Variants in SIK3 observed in about 807,000 individuals in gnomAD.
The protein encoded by SIK3 is SIK family kinase 3, also known as serine/threonine-protein kinase SIK3.
SIK3 carries 28 observed loss-of-function variants against 144.2 expected under a neutral mutation model. That is an observed-to-expected ratio of 0.19 (90% confidence interval 0.14 to 0.27). SIK3 has a LOEUF of 0.27. Ranked by LOEUF, SIK3 falls within the 10% of genes least tolerant of loss-of-function variation. The pLI, the probability that SIK3 is intolerant of heterozygous loss-of-function variation, is 1.00. For synonymous variants in SIK3, 686 were observed against 676.3 expected (o/e 1.01, Z -0.22); for missense variants, 1,319 against 1,776.0 (o/e 0.74, Z 4.62).
intron 1 of SIK3, among the ~76,000 whole-genome samples, chr11:116,991,663 G>T (rs1181838203): frequency 6.6e-6 from 1 of 152,140 alleles, no homozygotes; most frequent in African/African-American, 2.4e-5. Flanking sequence ...TTACTTAAAT[G>T]ATAAAGTAAG....
intron 1 of SIK3, among the ~76,000 whole-genome samples, chr11:117,096,061 C>CA (rs1250549470): frequency 2.0e-5 from 3 of 152,212 alleles, no homozygotes; most frequent in African/African-American, 7.2e-5. Flanking sequence ...ATGAAAAACA[C>CA]ACGCACGCAC....
chr11:116,998,372 G>A (rs1031638571), intron 1 of SIK3, among the ~76,000 whole-genome samples: 3 of 151,730 alleles, frequency 2.0e-5, no homozygotes, highest in Non-Finnish European at 4.4e-5. Context: ...TCAGGAGGCT[G>A]AGGCAGGAGA....
chr11:116,988,611 T>C (rs751113037), intron 1 of SIK3, among the ~76,000 whole-genome samples: 1 of 151,678 alleles, frequency 6.6e-6, no homozygotes, highest in Non-Finnish European at 1.5e-5. Flanking sequence ...CAAGACCCCA[T>C]CTCTACAATA....
At chr11:117,044,279 T>C (rs945201798) in intron 1 of SIK3, among the ~76,000 whole-genome samples, 8 of 152,196 alleles carry the variant, frequency 5.3e-5, no homozygotes, top group African/African-American at 1.7e-4. Context: ...AAGAAAACTA[T>C]GCTTCTAAAA....
At chr11:116,899,678 G>T (rs1442490409) in intron 4 of SIK3, among the ~76,000 whole-genome samples, 1 of 152,146 alleles carries the variant, frequency 6.6e-6, no homozygotes, top group African/African-American at 2.4e-5. Flanking sequence ...AGGTAGCAGG[G>T]ATGAGTCTTC....
intron 1 of SIK3, among the ~76,000 whole-genome samples, chr11:117,010,848 G>A (rs376967011): frequency 2.6e-5 from 4 of 152,152 alleles, no homozygotes; most frequent in South Asian, 4.1e-4. Flanking sequence ...GGCCAGGCAC[G>A]GTGGCTCATA....
At chr11:117,038,356 A>G (rs975026445) in intron 1 of SIK3, among the ~76,000 whole-genome samples, 1 of 142,076 alleles carries the variant, frequency 7.0e-6, no homozygotes, top group Non-Finnish European at 1.5e-5. Context: ...CTGCTACAAG[A>G]TACTTTTTTT....
chr11:117,029,928 G>A (rs1952181714), intron 1 of SIK3, among the ~76,000 whole-genome samples: 1 of 151,852 alleles, frequency 6.6e-6, no homozygotes, highest in African/African-American at 2.4e-5. Flanking sequence ...TTGAAGGCAA[G>A]GGGCTGGTTC....
chr11:116,894,379 A>G (rs1227995580), intron 6 of SIK3, among the ~76,000 whole-genome samples: 23 of 152,206 alleles, frequency 1.5e-4, no homozygotes, highest in Non-Finnish European at 3.2e-4. Context: ...CTGCCAATTC[A>G]TATCTTAACT....
intron 6 of SIK3, among the ~76,000 whole-genome samples, chr11:116,883,590 A>G (rs1024430178): frequency 1.3e-5 from 2 of 152,190 alleles, no homozygotes; most frequent in Non-Finnish European, 1.5e-5. Flanking sequence ...CTATTTATTT[A>G]ACATAGTCAC....
At chr11:117,004,366 A>G (rs1315245381) in intron 1 of SIK3, among the ~76,000 whole-genome samples, 2 of 152,040 alleles carry the variant, frequency 1.3e-5, no homozygotes, top group East Asian at 3.9e-4. Flanking sequence ...AATACAAAAA[A>G]TTAGCCAGGC....
At chr11:116,990,301 T>TA (rs752808048) in intron 1 of SIK3, among the ~76,000 whole-genome samples, 4 of 152,172 alleles carry the variant, frequency 2.6e-5, no homozygotes, top group Non-Finnish European at 5.9e-5. Context: ...CAAGAGTGTC[T>TA]AGACCTGAGG....
At chr11:116,897,456 GC>G in intron 4 of SIK3, 139 bp from the exon 5 acceptor site, 1 of 714,026 alleles carries the variant, frequency 1.4e-6, no homozygotes, top group Non-Finnish European at 2.3e-6. Flanking sequence ...AAACCACATA[GC>G]CAGACACTTA....
chr11:116,854,531 A>G (rs1022783299), intron 21 of SIK3, among the ~76,000 whole-genome samples: 18 of 152,200 alleles, frequency 1.2e-4, no homozygotes, highest in African/African-American at 4.1e-4. Context: ...GTAGAGTAGA[A>G]GCTCCCTGAG....
intron 1 of SIK3, among the ~76,000 whole-genome samples, chr11:116,960,574 A>G (rs1425485186): frequency 1.3e-5 from 2 of 152,222 alleles, no homozygotes; most frequent in Admixed American, 6.5e-5. Flanking sequence ...TTTATTTAGC[A>G]GTTGAATATA....
chr11:116,888,452 T>C (rs1944941079), intron 6 of SIK3, among the ~76,000 whole-genome samples: 1 of 152,340 alleles, frequency 6.6e-6, no homozygotes, highest in South Asian at 2.1e-4. Flanking sequence ...GGACAGACTC[T>C]AAACTTCCTT....
intron 3 of SIK3, among the ~76,000 whole-genome samples, chr11:116,937,410 C>G (rs1050791676): frequency 6.6e-6 from 1 of 152,082 alleles, no homozygotes; most frequent in African/African-American, 2.4e-5. Context: ...AGAATTGAAT[C>G]AAATAGAAGA....
intron 1 of SIK3, among the ~76,000 whole-genome samples, chr11:116,959,785 T>G (rs540340143): frequency 6.6e-6 from 1 of 152,330 alleles, no homozygotes; most frequent in South Asian, 2.1e-4. Flanking sequence ...CATTTCTGAC[T>G]TACCATATTT....
intron 6 of SIK3, among the ~76,000 whole-genome samples, chr11:116,878,547 T>C (rs2134588895): frequency 6.6e-6 from 1 of 152,208 alleles, no homozygotes; most frequent in South Asian, 2.1e-4. Context: ...GCCCAGCTAA[T>C]TTTTGCATCT....
Sources: gnomAD v4.1 joint callset for allele counts (sites outside exome capture counted in the v4.1 genomes callset) on GRCh38, gnomAD v4.1.1 for gene constraint, MANE v1.5 for transcripts, NCBI Gene and HGNC (gene_info 2026-07-23, HGNC 2026-07-21) for gene names.